The following TBC1D1 variants were observed in gnomAD, a reference collection of about 807,000 sequenced individuals.
TBC1D1 encodes TBC1 domain family member 1.
A neutral mutation model predicts 125.6 loss-of-function variants in TBC1D1; 89 were observed. The ratio of observed to expected loss-of-function variants is 0.71; its 90% CI spans 0.60 to 0.85. TBC1D1 has a LOEUF of 0.85. Ranked by LOEUF, TBC1D1 falls within the 40% of genes least tolerant of loss-of-function variation. The pLI, the probability that TBC1D1 is intolerant of heterozygous loss-of-function variation, is 0.00. For missense variants in TBC1D1, 1,377 were observed against 1,469.2 expected (o/e 0.94, Z 1.03); for synonymous variants, 565 against 564.1 (o/e 1.00, Z -0.02).
chr4:38,099,376 A>T (rs547618038), intron 14 of TBC1D1, among the ~76,000 whole-genome samples: 1 of 152,306 alleles, frequency 6.6e-6, no homozygotes, highest in Non-Finnish European at 1.5e-5. Context: ...GTGCGTATAC[A>T]TGGAAAAACA....
Position 38,133,008 on chromosome 4 carries a change from G to A in TBC1D1, c.3133-76G>A, listed in dbSNP as rs1330702246. The A allele has an allele frequency of 2.1e-5, 29 of 1,372,200 alleles. 1 individual carries two copies. Among genetic ancestry groups the A allele is most frequent in the South Asian group, 9.5e-5 (7 of 73,338 alleles). 85.0% of individuals were successfully genotyped at this position (1,372,200 alleles called of 1,614,324 possible). On this transcript the variant is annotated intron_variant, in intron 18 of 19. Transcript: ENST00000261439. ...AGACGCTTCACAGGTGCGCATTGTCGTGATTGCAGACGCCTGCCTGTACTT... is the reference window on the plus strand; with the variant it reads ...AGACGCTTCACAGGTGCGCATTGTCATGATTGCAGACGCCTGCCTGTACTT...
intron 2 of TBC1D1, among the ~76,000 whole-genome samples, chr4:37,989,875 A>G (rs1019287942): frequency 1.4e-4 from 21 of 152,218 alleles, no homozygotes; most frequent in Non-Finnish European, 2.1e-4. Context: ...TCAGAGTGCA[A>G]TGAAGAATTT....
intron 2 of TBC1D1, among the ~76,000 whole-genome samples, chr4:37,955,670 A>G (rs1728788492): frequency 6.6e-6 from 1 of 152,194 alleles, no homozygotes; most frequent in Non-Finnish European, 1.5e-5. Flanking sequence ...AAGAGGGTCA[A>G]CTGTATATAA....
chr4:38,011,821 G>A lies in TBC1D1; in HGVS notation c.418-2688G>A, dbSNP rs116639409. On this transcript the variant is annotated intron_variant, in intron 2 of 19. Transcript: ENST00000261439. ...TTGGAAAAAAAACTACCACAACCTCGATTGTGACCAAGTTATGAGGTATTC... is the reference window on the plus strand; with the variant it reads ...TTGGAAAAAAAACTACCACAACCTCAATTGTGACCAAGTTATGAGGTATTC... Among the ~76,000 whole-genome samples the A allele has an allele frequency of 5.5e-3, 839 of 152,262 alleles. 10 individuals carry two copies. The highest frequency in any genetic ancestry group is 0.019 in the African/African-American group (799 of 41,550).
chr4:38,123,113 G>A (rs575873876), intron 17 of TBC1D1, among the ~76,000 whole-genome samples: 82 of 152,316 alleles, frequency 5.4e-4, no homozygotes, highest in African/African-American at 1.1e-3. Context: ...TTTAATTGGC[G>A]TAGATGTGGT....
intron 12 of TBC1D1, among the ~76,000 whole-genome samples, chr4:38,074,392 T>C (rs552315755): frequency 2.0e-5 from 3 of 152,104 alleles, no homozygotes; most frequent in Admixed American, 1.3e-4. Context: ...AAGCGACGAG[T>C]GCAGTGAGGT....
chr4:37,908,113 A>G (rs1441070142), intron 2 of TBC1D1, among the ~76,000 whole-genome samples: 5 of 152,038 alleles, frequency 3.3e-5, no homozygotes, highest in African/African-American at 1.2e-4. Context: ...AGATGGTAAT[A>G]GGTGGAGAAG....
At chr4:38,127,768 C>G (rs1764901684) in intron 18 of TBC1D1, among the ~76,000 whole-genome samples, 1 of 152,074 alleles carries the variant, frequency 6.6e-6, no homozygotes, top group African/African-American at 2.4e-5. Context: ...CATGCCCGGC[C>G]CCTTGTAGAA....
chr4:38,136,653 G>A (rs1475279357), intron 19 of TBC1D1, among the ~76,000 whole-genome samples: 3 of 152,296 alleles, frequency 2.0e-5, no homozygotes, highest in Non-Finnish European at 2.9e-5. Context: ...TTGTCAGCCC[G>A]AAATCGATTT....
chr4:38,075,491 C>G (rs927759803), intron 12 of TBC1D1, among the ~76,000 whole-genome samples: 1 of 152,180 alleles, frequency 6.6e-6, no homozygotes, highest in Non-Finnish European at 1.5e-5. Context: ...TATAACTCAG[C>G]GAACATTGTG....
intron 2 of TBC1D1, among the ~76,000 whole-genome samples, chr4:37,962,065 G>A (rs1033454557): frequency 7.9e-5 from 12 of 152,166 alleles, no homozygotes; most frequent in African/African-American, 2.9e-4. Flanking sequence ...CAAATAAACT[G>A]TGGGCCCCAT....
At chr4:37,918,367 T>C (rs1384053516) in intron 2 of TBC1D1, among the ~76,000 whole-genome samples, 1 of 152,166 alleles carries the variant, frequency 6.6e-6, no homozygotes, top group Non-Finnish European at 1.5e-5. Flanking sequence ...AAATACGATT[T>C]TAGATTTTTC....
rs768939555 is a variant in TBC1D1, at chr4:38,133,263, G to T, written c.3306+6G>T. Reference sequence around the variant, plus strand: ...ACCTCCTTGAACAGTTGCAGGTAGAGCATATTTATAAAGCAGCTTCCTGAA... The same window carrying T: ...ACCTCCTTGAACAGTTGCAGGTAGATCATATTTATAAAGCAGCTTCCTGAA... On this transcript the variant is annotated splice_donor_region_variant and intron_variant, in intron 19 of 19. Coordinates refer to ENST00000261439, the MANE Select transcript of TBC1D1 (RefSeq NM_015173.4). The T allele has an allele frequency of 7.5e-6, 12 of 1,607,764 alleles. No individual in the cohort carries two copies. The South Asian group carries it at 1.1e-4, about 15-fold the overall frequency.
chr4:37,902,595 TA>T (rs1239672366), intron 2 of TBC1D1, 83 bp downstream of exon 2: 2 of 1,119,248 alleles, frequency 1.8e-6, no homozygotes, highest in Non-Finnish European at 2.5e-6. Context: ...ATTTTAAGTA[TA>T]CTGAAATGAA....
intron 2 of TBC1D1, among the ~76,000 whole-genome samples, chr4:37,911,306 C>A (rs1240045189): frequency 6.6e-6 from 1 of 152,140 alleles, no homozygotes; most frequent in East Asian, 1.9e-4. Flanking sequence ...TCTCGCTTTT[C>A]TCTCTTCTGA....
intron 2 of TBC1D1, among the ~76,000 whole-genome samples, chr4:37,966,680 G>A (rs536082632): frequency 2.6e-5 from 4 of 152,032 alleles, no homozygotes; most frequent in Admixed American, 2.0e-4. Context: ...TGTACGAAAC[G>A]TGCAGGTTTG....
chr4:37,942,599 C>T (rs1032989839), intron 2 of TBC1D1, among the ~76,000 whole-genome samples: 1 of 151,930 alleles, frequency 6.6e-6, no homozygotes, highest in African/African-American at 2.4e-5. Context: ...AGTGCAGTGG[C>T]ACGATCTCGG....
intron 2 of TBC1D1, among the ~76,000 whole-genome samples, chr4:37,925,361 G>C (rs1318753521): frequency 6.6e-6 from 1 of 152,122 alleles, no homozygotes; most frequent in Non-Finnish European, 1.5e-5. Context: ...AACCAACGCT[G>C]TCTATAGGTG....
Position 37,902,458 on chromosome 4 carries a change from C to T in TBC1D1, c.363C>T (p.Asp121=), listed in dbSNP as rs145529203. The T allele has an allele frequency of 1.7e-3, 2,768 of 1,613,840 alleles. 4 individuals carry two copies. Among genetic ancestry groups the T allele is most frequent in the Non-Finnish European group, 2.1e-3 (2,481 of 1,179,860 alleles). ...ACTTTGCTTGTCTGATTAAGGAAGA[C>T]GCTGTCCACCGGCAGAGTATCTGCT... The change falls in exon 2 of 20, where the codon GAC becomes GAT. Residue 121 remains aspartate (D), a synonymous_variant. Transcript: ENST00000261439.
Sources: gnomAD v4.1 joint callset for allele counts (sites outside exome capture counted in the v4.1 genomes callset) on GRCh38, gnomAD v4.1.1 for gene constraint, MANE v1.5 for transcripts, NCBI Gene and HGNC (gene_info 2026-07-23, HGNC 2026-07-21) for gene names.